Variants in RASAL2 observed in about 807,000 individuals in gnomAD.
RASAL2 encodes RAS protein activator like 2.
RASAL2 carries 58 observed loss-of-function variants against 128.9 expected under a neutral mutation model. The observed-to-expected ratio is 0.45, with a 90% confidence interval of 0.36 to 0.56. RASAL2 has a LOEUF of 0.56. Among genes scored for constraint, RASAL2 ranks in the 20% least tolerant of loss-of-function variants. The pLI, the probability that RASAL2 is intolerant of heterozygous loss-of-function variation, is 0.00. For synonymous variants in RASAL2, 561 were observed against 580.8 expected (o/e 0.97, Z 0.49); for missense variants, 1,360 against 1,601.6 (o/e 0.85, Z 2.57).
At chr1:178,244,669 A>G (rs1193526978) in intron 1 of RASAL2, among the ~76,000 whole-genome samples, 2 of 152,134 alleles carry the variant, frequency 1.3e-5, no homozygotes, top group Non-Finnish European at 1.5e-5. Flanking sequence ...TCAACCTGTC[A>G]TCTATGTTTT....
chr1:178,130,930 T>A (rs1195142707), intron 1 of RASAL2, among the ~76,000 whole-genome samples: 1 of 151,948 alleles, frequency 6.6e-6, no homozygotes, highest in African/African-American at 2.4e-5. Context: ...GGTGGGTGCC[T>A]GTAGTCCCAG....
In RASAL2 at chr1:178,439,433, T is replaced by C. The variant is rs764097185; in HGVS notation, c.686T>C (p.Leu229Pro). The change falls in exon 6 of 18, where the codon CTG becomes CCG. Residue 229 changes from leucine (L) to proline (P), a missense_variant. Physicochemically the swap from Leu to Pro is moderately conservative, Grantham distance 98. This residue lies in a region of RASAL2 where 617 missense variants were observed against 714.2 expected (regional missense o/e 0.86). Coordinates refer to ENST00000367649, the MANE Select transcript of RASAL2 (RefSeq NM_170692.4). ...TTTTCTACTTTTAGGTCTCGTGGGC[T>C]GCCTAAACTAAAAGAGTCACGTTCC... The part of the protein sequence containing the change: ...LRSTDDRSRG[L>P]PKLKESRSHE... 1 of 1,606,770 alleles carries C rather than the reference T, an allele frequency of 6.2e-7. No homozygotes were observed. The highest frequency in any genetic ancestry group is 1.1e-5 in the South Asian group (1 of 89,432).
In RASAL2 at chr1:178,349,258, TAAAA is replaced by T. The variant is rs1163062770; in HGVS notation, c.458-40825_458-40822del. On this transcript the variant is annotated intron_variant, in intron 3 of 17. Transcript: ENST00000367649. ...ACATGGTGAAACCCTGTCTCTACTT[TAAAA>T]AAAAAAAAAAAAAAAAGCCAGGCAT... Among the ~76,000 whole-genome samples, 893 of 110,808 alleles carry T rather than the reference TAAAA, an allele frequency of 8.1e-3. 5 individuals are homozygous for T. The highest frequency in any genetic ancestry group is 0.013 in the Non-Finnish European group (677 of 52,944). The allele number at this position is 110,808 out of a possible 152,430, so 72.7% of individuals were successfully genotyped here.
At chr1:178,382,980 A>G (rs1672364148) in intron 3 of RASAL2, among the ~76,000 whole-genome samples, 1 of 152,176 alleles carries the variant, frequency 6.6e-6, no homozygotes, top group East Asian at 1.9e-4. Flanking sequence ...CTCATCCAAC[A>G]TTGTCATGTG....
At chr1:178,428,044 T>TG (rs1432366038) in intron 5 of RASAL2, among the ~76,000 whole-genome samples, 1 of 131,982 alleles carries the variant, frequency 7.6e-6, no homozygotes, top group East Asian at 2.3e-4. Flanking sequence ...TGAGATTGGC[T>TG]TTTTTTTTTT....
At chr1:178,405,907 T>G (rs973534831) in intron 4 of RASAL2, among the ~76,000 whole-genome samples, 6 of 152,210 alleles carry the variant, frequency 3.9e-5, no homozygotes, top group African/African-American at 1.4e-4. Flanking sequence ...ATAATAACAT[T>G]AGGGGAAGCT....
rs947921529 is a variant in RASAL2, at chr1:178,137,874, A to G, written c.202+43180A>G. On this transcript the variant is annotated intron_variant, in intron 1 of 17. Transcript: ENST00000367649. Reference sequence around the variant, plus strand: ...CTTTTTTTAAACTGTGGAAGAATATATAAAGAATCTAATGTTGGTACTGTT... The same window carrying G: ...CTTTTTTTAAACTGTGGAAGAATATGTAAAGAATCTAATGTTGGTACTGTT... Among the ~76,000 whole-genome samples, 4 of 152,332 alleles carry G rather than the reference A, an allele frequency of 2.6e-5. 1 individual carries two copies. Among genetic ancestry groups the G allele is most frequent in the East Asian group, 3.9e-4 (2 of 5,188 alleles).
At chr1:178,448,853 C>T (rs907598654) in intron 9 of RASAL2, among the ~76,000 whole-genome samples, 5 of 152,042 alleles carry the variant, frequency 3.3e-5, no homozygotes, top group Admixed American at 6.6e-5. Context: ...ATTAAATGGC[C>T]GATGGGCTCA....
intron 1 of RASAL2, among the ~76,000 whole-genome samples, chr1:178,117,438 G>T (rs946004423): frequency 3.3e-5 from 5 of 152,206 alleles, no homozygotes; most frequent in African/African-American, 1.2e-4. Context: ...TGTTTAAAAT[G>T]TACTTTGAAG....
chr1:178,220,001 G>A (rs1188020302), intron 1 of RASAL2, among the ~76,000 whole-genome samples: 4 of 152,130 alleles, frequency 2.6e-5, no homozygotes, highest in South Asian at 4.2e-4. Flanking sequence ...GAGTTCACAC[G>A]AGATATTGTT....
Position 178,299,976 on chromosome 1 carries a change from G to A in RASAL2, c.331-16G>A. On this transcript the variant is annotated splice_polypyrimidine_tract_variant and intron_variant, in intron 2 of 17. Transcript: ENST00000367649. ...AGTTCACTATTAAGTTTTATCTTTT[G>A]CTTTTGATTAACTAGATACCTGTGG... is the stretch of plus-strand genomic sequence containing the variant. 3 of 1,609,586 alleles carry A rather than the reference G, an allele frequency of 1.9e-6. No homozygotes were observed. The highest frequency in any genetic ancestry group is 1.7e-6 in the Non-Finnish European group (2 of 1,178,686).
chr1:178,285,546 A>G (rs1024301622), intron 2 of RASAL2, among the ~76,000 whole-genome samples: 4 of 152,222 alleles, frequency 2.6e-5, no homozygotes, highest in Admixed American at 6.5e-5. Flanking sequence ...CTTTTCCAGC[A>G]TTTTAATATT....
intron 1 of RASAL2, among the ~76,000 whole-genome samples, chr1:178,146,835 T>C (rs2101870337): frequency 6.6e-6 from 1 of 152,356 alleles, no homozygotes; most frequent in Non-Finnish European, 1.5e-5. Flanking sequence ...ATTTTCACTG[T>C]GATGGATGGC....
At chr1:178,272,910 T>A (rs1666325458) in intron 1 of RASAL2, among the ~76,000 whole-genome samples, 1 of 151,802 alleles carries the variant, frequency 6.6e-6, no homozygotes. Flanking sequence ...GCAGCCTGGG[T>A]GACAGAATGA....
chr1:178,140,428 T>C (rs181047814), intron 1 of RASAL2, among the ~76,000 whole-genome samples: 2 of 152,204 alleles, frequency 1.3e-5, no homozygotes, highest in Admixed American at 1.3e-4. Flanking sequence ...ATTACAGTAT[T>C]ATATAGGATA....
At chr1:178,358,237 T>TAAAAAAAA (rs71567191) in intron 3 of RASAL2, among the ~76,000 whole-genome samples, 3 of 34,770 alleles carry the variant, frequency 8.6e-5, no homozygotes, top group African/African-American at 2.0e-4. Flanking sequence ...CTCTGTCTCC[T>TAAAAAAAA]AAAAAAAAAA....
intron 9 of RASAL2, among the ~76,000 whole-genome samples, chr1:178,449,781 G>C (rs1677255272): frequency 6.6e-6 from 1 of 151,930 alleles, no homozygotes; most frequent in Non-Finnish European, 1.5e-5. Flanking sequence ...TTTTAAGCTG[G>C]TACTATAGAC....
intron 5 of RASAL2, among the ~76,000 whole-genome samples, chr1:178,427,234 A>G (rs1675569905): frequency 6.6e-6 from 1 of 152,178 alleles, no homozygotes; most frequent in Non-Finnish European, 1.5e-5. Flanking sequence ...ATTCAAATGC[A>G]CTTAAAACTA....
intron 3 of RASAL2, among the ~76,000 whole-genome samples, chr1:178,328,499 C>G (rs1199986243): frequency 6.6e-6 from 1 of 152,088 alleles, no homozygotes; most frequent in Non-Finnish European, 1.5e-5. Context: ...CTTACTTATT[C>G]TGTAATTCTT....
Sources: gnomAD v4.1 joint callset for allele counts (sites outside exome capture counted in the v4.1 genomes callset) on GRCh38, gnomAD v4.1.1 for gene constraint, gnomAD v4.1.1 regional missense constraint, MANE v1.5 for transcripts, NCBI Gene and HGNC (gene_info 2026-07-23, HGNC 2026-07-21) for gene names.